The following DYNC2I1 variants were observed in gnomAD, a reference collection of about 807,000 sequenced individuals.
The protein encoded by DYNC2I1 is cytoplasmic dynein 2 intermediate chain 1.
Under a neutral mutation model 133.4 loss-of-function variants are expected in DYNC2I1, and 89 were observed. That is an observed-to-expected ratio of 0.67 (90% confidence interval 0.56 to 0.80). The LOEUF is 0.80. Ranked by LOEUF, DYNC2I1 falls within the 30% of genes least tolerant of loss-of-function variation. The pLI, the probability that DYNC2I1 is intolerant of heterozygous loss-of-function variation, is 0.00. For synonymous variants in DYNC2I1, 504 were observed against 484.3 expected (o/e 1.04, Z -0.54); for missense variants, 1,291 against 1,314.5 (o/e 0.98, Z 0.28).
intron 15 of DYNC2I1, among the ~76,000 whole-genome samples, chr7:158,922,030 A>G (rs540697052): frequency 2.2e-4 from 33 of 152,270 alleles, no homozygotes; most frequent in Non-Finnish European, 4.4e-4. Context: ...GCAATGTTCT[A>G]AAGCAGAGGG....
At chr7:158,852,589 AT>A (rs966848907), upstream of DYNC2I1, among the ~76,000 whole-genome samples, 67 of 151,984 alleles carry the variant, frequency 4.4e-4, no homozygotes, top group African/African-American at 1.6e-3. Flanking sequence ...AAATACAAAA[AT>A]TAGCCAGGCG....
At chr7:158,951,448 G>T (rs1290325910) in intron 4 of DYNC2I1, among the ~76,000 whole-genome samples, 2 of 152,240 alleles carry the variant, frequency 1.3e-5, no homozygotes, top group African/African-American at 2.4e-5. Flanking sequence ...GGGAGACGGG[G>T]TCCCCAGCCA....
intron 13 of DYNC2I1, among the ~76,000 whole-genome samples, chr7:158,913,664 A>G (rs541448215): frequency 6.6e-6 from 1 of 152,286 alleles, no homozygotes; most frequent in East Asian, 1.9e-4. Flanking sequence ...AGAAAGTAAT[A>G]TACCTAAACT....
chr7:158,915,421 G>A (rs112458846), intron 14 of DYNC2I1, among the ~76,000 whole-genome samples: 3 of 46,240 alleles, frequency 6.5e-5, no homozygotes, highest in African/African-American at 2.0e-4. Flanking sequence ...ATTGTGAAAC[G>A]TCGACACGCT....
intron 12 of DYNC2I1, 130 bp downstream of exon 12, chr7:158,911,809 G>A: frequency 8.2e-7 from 1 of 1,217,422 alleles, no homozygotes. Context: ...CAAGCTTAGG[G>A]AAAATGGGGA....
At chr7:158,857,478 C>T (rs910013022) in intron 1 of DYNC2I1, among the ~76,000 whole-genome samples, 1 of 151,602 alleles carries the variant, frequency 6.6e-6, no homozygotes, top group African/African-American at 2.4e-5. Context: ...CCATCACTTA[C>T]CTTTATGTGT....
At chr7:158,857,059 TG>T (rs1201358941) in intron 1 of DYNC2I1, among the ~76,000 whole-genome samples, 8 of 152,118 alleles carry the variant, frequency 5.3e-5, no homozygotes, top group Non-Finnish European at 1.2e-4. Flanking sequence ...CGGCCCCTGC[TG>T]CGGGGCCGGG....
chr7:158,946,680 A>G (rs975589529), downstream of DYNC2I1, among the ~76,000 whole-genome samples: 5 of 152,206 alleles, frequency 3.3e-5, no homozygotes, highest in African/African-American at 9.7e-5. Flanking sequence ...TGTTGGAGGG[A>G]CACACACATT....
intron 7 of DYNC2I1, among the ~76,000 whole-genome samples, chr7:158,888,019 CTTTTTTTTTTTT>C (rs545903783): frequency 3.1e-5 from 3 of 96,598 alleles, no homozygotes; most frequent in Non-Finnish European, 3.9e-5. Context: ...AACCATTGTC[CTTTTTTTTTTTT>C]TTTTTTTTTT....
chr7:158,857,439 C>T (rs544913897), intron 1 of DYNC2I1, among the ~76,000 whole-genome samples: 1 of 151,668 alleles, frequency 6.6e-6, no homozygotes, highest in Non-Finnish European at 1.5e-5. Flanking sequence ...CATACATTTT[C>T]TTCTACCTTC....
intron 6 of DYNC2I1, among the ~76,000 whole-genome samples, chr7:158,885,397 A>C (rs1844499184): frequency 6.7e-6 from 1 of 149,904 alleles, no homozygotes; most frequent in Non-Finnish European, 1.5e-5. Context: ...CCTGGAGTGC[A>C]GTGGCGCAAT....
intron 18 of DYNC2I1, 51 bp downstream of exon 18, chr7:158,926,351 T>C (rs1849618198): frequency 5.0e-6 from 8 of 1,601,274 alleles, no homozygotes; most frequent in East Asian, 2.2e-5. Context: ...TTGTGAAATA[T>C]GGTTTCCTTA....
rs842684 is a variant in DYNC2I1, at chr7:158,889,174, G to A, written c.991-2091G>A. On this transcript the variant is annotated intron_variant, in intron 7 of 24. Transcript: ENST00000407559. Reference sequence around the variant, plus strand: ...TGGCTCACTGCAAGCTCTGCCTCCCGGGTTCACGCCATTCTCCTGCCTCAG... The same window carrying A: ...TGGCTCACTGCAAGCTCTGCCTCCCAGGTTCACGCCATTCTCCTGCCTCAG... Among the ~76,000 whole-genome samples the A allele has an allele frequency of 9.5e-3, 1,428 of 149,994 alleles. 8 individuals are homozygous for A. Among genetic ancestry groups the A allele is most frequent in the Non-Finnish European group, 0.015 (1,041 of 67,704 alleles).
intron 14 of DYNC2I1, among the ~76,000 whole-genome samples, chr7:158,916,153 C>G (rs6978806): frequency 1.4e-4 from 10 of 72,148 alleles, no homozygotes; most frequent in South Asian, 3.9e-4. Flanking sequence ...TGGTGGTTGA[C>G]ATTAAGGATG....
chr7:158,884,625 G>T lies in DYNC2I1; in HGVS notation c.935+6G>T. 1 of 1,613,152 alleles carries T rather than the reference G, an allele frequency of 6.2e-7. No individual in the cohort carries two copies. Among genetic ancestry groups the T allele is most frequent in the Non-Finnish European group, 8.5e-7 (1 of 1,179,552 alleles). ...AGAGATGGGACCAGCAGCCAGTAAG[G>T]ATTGCATGCCCTGTGGTCGACCTTT... On this transcript the variant is annotated splice_donor_region_variant and intron_variant, in intron 6 of 24. Coordinates refer to ENST00000407559, the MANE Select transcript of DYNC2I1 (RefSeq NM_018051.5).
chr7:158,931,886 C>A (rs771913793), intron 21 of DYNC2I1, among the ~76,000 whole-genome samples: 2 of 152,104 alleles, frequency 1.3e-5, no homozygotes, highest in South Asian at 2.1e-4. Flanking sequence ...CCCTGCTTTC[C>A]CAGGAAGAAG....
rs115438405 is a variant in DYNC2I1 at position 158,944,907 on chromosome 7, C to T, written c.3003-674C>T. On this transcript the variant is annotated intron_variant, in intron 24 of 24. Coordinates refer to ENST00000407559, the MANE Select transcript of DYNC2I1 (RefSeq NM_018051.5). Reference sequence around the variant, plus strand: ...GGCCCAGGGCCACAAGGAGACTGGGCGTGTTTCTACCAGCCACAGGAGGGG... The same window carrying T: ...GGCCCAGGGCCACAAGGAGACTGGGTGTGTTTCTACCAGCCACAGGAGGGG... Among the ~76,000 whole-genome samples, 1,509 of 152,122 alleles carry T rather than the reference C, an allele frequency of 9.9e-3. 29 individuals carry two copies. The highest frequency in any genetic ancestry group is 0.034 in the African/African-American group (1,413 of 41,488).
intron 1 of DYNC2I1, among the ~76,000 whole-genome samples, chr7:158,860,067 T>C (rs1841736140): frequency 6.6e-6 from 1 of 152,024 alleles, no homozygotes; most frequent in Non-Finnish European, 1.5e-5. Flanking sequence ...TTTTTTTTTT[T>C]TTTTGGAGAC....
rs199736243 is a variant in DYNC2I1 at position 158,895,268 on chromosome 7, T to C, written c.1059+3935T>C. ...TGTCCTGTGCTATTTCCTAAGAGTT[T>C]ATGGTTTCGCATTTTACACTTAGGT... On this transcript the variant is annotated intron_variant, in intron 8 of 24. Transcript: ENST00000407559. 1.2e-4 allele frequency among the ~76,000 whole-genome samples: 18 copies of C among 152,370 alleles called. No individual in the cohort carries two copies. The East Asian group carries it at 3.5e-3, about 29-fold the overall frequency.
Sources: allele counts gnomAD v4.1 joint callset (sites outside exome capture counted in the v4.1 genomes callset), GRCh38; gene constraint gnomAD v4.1.1; transcripts MANE v1.5; gene names NCBI Gene and HGNC (gene_info 2026-07-23, HGNC 2026-07-21).